The following MYO6 variants were observed in gnomAD, a reference collection of about 807,000 sequenced individuals.
MYO6 encodes unconventional myosin-VI.
MYO6 carries 74 observed loss-of-function variants against 178.7 expected under a neutral mutation model. That is an observed-to-expected ratio of 0.41 (90% CI 0.34 to 0.50). The LOEUF (loss-of-function observed/expected upper bound fraction) is 0.50. Ranked by LOEUF, MYO6 falls within the 20% of genes least tolerant of loss-of-function variation. The pLI, the probability that MYO6 is intolerant of heterozygous loss-of-function variation, is 0.09. For missense variants in MYO6, 1,330 were observed against 1,547.4 expected (o/e 0.86, Z 2.36); for synonymous variants, 477 against 504.6 (o/e 0.95, Z 0.73).
intron 1 of MYO6, among the ~76,000 whole-genome samples, chr6:75,812,168 G>T (rs1770757620): frequency 6.6e-6 from 1 of 152,152 alleles, no homozygotes; most frequent in Admixed American, 6.5e-5. Flanking sequence ...ACAGGGCTAT[G>T]CCATCATTCC....
intron 1 of MYO6, among the ~76,000 whole-genome samples, chr6:75,782,988 C>T (rs1184756703): frequency 6.7e-6 from 1 of 149,102 alleles, no homozygotes; most frequent in East Asian, 2.0e-4. Flanking sequence ...GATCGCAGCT[C>T]ACTGCAGCCT....
chr6:75,869,891 A>G (rs1361513778), intron 18 of MYO6, among the ~76,000 whole-genome samples: 1 of 152,114 alleles, frequency 6.6e-6, no homozygotes, highest in African/African-American at 2.4e-5. Context: ...AGGCGTGTGG[A>G]TCACGAGGTC....
chr6:75,873,834 C>G, intron 20 of MYO6, among the ~76,000 whole-genome samples: 1 of 152,180 alleles, frequency 6.6e-6, no homozygotes, highest in East Asian at 1.9e-4. Context: ...CCCTCTGCAT[C>G]TGTGACACTT....
intron 1 of MYO6, among the ~76,000 whole-genome samples, chr6:75,809,914 A>C (rs951897829): frequency 1.1e-4 from 17 of 149,316 alleles, no homozygotes; most frequent in Admixed American, 6.0e-4. Flanking sequence ...AAAAAAAAAA[A>C]AACAAAAAAA....
chr6:75,767,114 C>T (rs1264185729), intron 1 of MYO6, among the ~76,000 whole-genome samples: 1 of 152,144 alleles, frequency 6.6e-6, no homozygotes, highest in Non-Finnish European at 1.5e-5. Flanking sequence ...CCACCTCTGC[C>T]TCCCAGGTTC....
intron 9 of MYO6, among the ~76,000 whole-genome samples, chr6:75,841,669 G>A (rs1774239983): frequency 6.6e-6 from 1 of 152,182 alleles, no homozygotes. Flanking sequence ...ACTCCAGCCT[G>A]GGTAACAGAG....
chr6:75,801,228 G>A (rs570393182), intron 1 of MYO6, among the ~76,000 whole-genome samples: 1 of 152,152 alleles, frequency 6.6e-6, no homozygotes, highest in East Asian at 1.9e-4. Flanking sequence ...TACAATCATG[G>A]CAGAAAGTGA....
At chr6:75,908,179 A>G (rs553490572) in intron 31 of MYO6, among the ~76,000 whole-genome samples, 11 of 152,122 alleles carry the variant, frequency 7.2e-5, no homozygotes, top group Admixed American at 2.0e-4. Flanking sequence ...TTTTTATTCT[A>G]TTGTCAAGAC....
At chr6:75,784,214 G>A (rs922283169) in intron 1 of MYO6, among the ~76,000 whole-genome samples, 6 of 151,902 alleles carry the variant, frequency 3.9e-5, no homozygotes, top group East Asian at 2.0e-4. Flanking sequence ...ATCGTGATCC[G>A]CCCGACTTGG....
At chr6:75,866,275 C>CTGTGTGTGTGTGGGTGTG (rs554004002) in intron 16 of MYO6, among the ~76,000 whole-genome samples, 1 of 119,138 alleles carries the variant, frequency 8.4e-6, no homozygotes, top group Non-Finnish European at 1.9e-5. Flanking sequence ...GTCTCTGTCT[C>CTGTGTGTGTGTGGGTGTG]TGTGTGTGTG....
intron 1 of MYO6, among the ~76,000 whole-genome samples, chr6:75,774,261 T>C (rs1301043830): frequency 6.6e-6 from 1 of 152,208 alleles, no homozygotes; most frequent in Non-Finnish European, 1.5e-5. Flanking sequence ...ATGGTATATA[T>C]TTTTCTAGGT....
chr6:75,897,350 T>G (rs1779382575), intron 29 of MYO6, among the ~76,000 whole-genome samples: 1 of 152,212 alleles, frequency 6.6e-6, no homozygotes, highest in Non-Finnish European at 1.5e-5. Flanking sequence ...ATAATTTTTA[T>G]TAGATTGTAT....
chr6:75,841,079 C>T, intron 8 of MYO6, 135 bp from the exon 9 acceptor site: 1 of 858,070 alleles, frequency 1.2e-6, no homozygotes, highest in South Asian at 1.6e-5. Flanking sequence ...TTTGTTTTTT[C>T]CCCTTTATTT....
rs1771410436 is a variant in MYO6 at position 75,817,615 on chromosome 6, A to G, written c.68A>G (p.Asp23Gly). ...GGATTTCAGATGGGCAATATTGTGG[A>G]TATTGGCCCCGACAGCTTAACAATT... The part of the protein sequence containing the change: ...TDGFQMGNIV[D>G]IGPDSLTIEP... Residue 23 changes from aspartate (D) to glycine (G), a missense_variant, in exon 2 of 35, where the codon GAT becomes GGT. This residue lies in a region of MYO6 where 116 missense variants were observed against 104.6 expected (regional missense o/e 1.11). Coordinates refer to ENST00000369977, the MANE Select transcript of MYO6 (RefSeq NM_004999.4). 2 of 1,614,094 alleles carry G rather than the reference A, an allele frequency of 1.2e-6. No homozygotes were observed. Among genetic ancestry groups the G allele is most frequent in the Non-Finnish European group, 1.7e-6 (2 of 1,180,048 alleles).
intron 1 of MYO6, among the ~76,000 whole-genome samples, chr6:75,767,906 A>C (rs1298248369): frequency 1.3e-5 from 2 of 152,176 alleles, no homozygotes; most frequent in African/African-American, 4.8e-5. Flanking sequence ...TTTGCCTCCC[A>C]AAACACTTTC....
intron 16 of MYO6, among the ~76,000 whole-genome samples, chr6:75,864,578 A>C (rs1157838320): frequency 1.3e-5 from 2 of 152,124 alleles, no homozygotes; most frequent in Admixed American, 1.3e-4. Context: ...GATTACCTTT[A>C]CCAGGAGTTG....
intron 6 of MYO6, among the ~76,000 whole-genome samples, chr6:75,833,713 G>A (rs1773357198): frequency 6.6e-6 from 1 of 151,998 alleles, no homozygotes; most frequent in African/African-American, 2.4e-5. Context: ...TTTTATTGTA[G>A]ATCTGTGGTA....
chr6:75,808,206 T>C (rs1770297004), intron 1 of MYO6, among the ~76,000 whole-genome samples: 1 of 152,234 alleles, frequency 6.6e-6, no homozygotes, highest in South Asian at 2.1e-4. Flanking sequence ...ACGTTTGTAT[T>C]CTGACACAGA....
rs963727699 is a variant in MYO6, at chr6:75,851,176, G to T, written c.1078+2645G>T. On this transcript the variant is annotated intron_variant, in intron 11 of 34. Coordinates refer to ENST00000369977, the MANE Select transcript of MYO6 (RefSeq NM_004999.4). Reference sequence around the variant, plus strand: ...TTACCCTGTGGTAGAAGATGCAGTTGTATAGAGTATTATAAGTGTTGCATG... The same window carrying T: ...TTACCCTGTGGTAGAAGATGCAGTTTTATAGAGTATTATAAGTGTTGCATG... 3.3e-5 allele frequency among the ~76,000 whole-genome samples: 5 copies of T among 152,146 alleles called. No homozygotes were observed. In the South Asian group the frequency reaches 8.3e-4, roughly 25 times the overall value.
Sources: gnomAD v4.1 joint callset for allele counts (sites outside exome capture counted in the v4.1 genomes callset) on GRCh38, gnomAD v4.1.1 for gene constraint, gnomAD v4.1.1 regional missense constraint, MANE v1.5 for transcripts, NCBI Gene and HGNC (gene_info 2026-07-23, HGNC 2026-07-21) for gene names.